The following MBD5 variants were observed in gnomAD, a reference collection of about 807,000 sequenced individuals.
MBD5 encodes the protein methyl-CpG binding domain protein 5.
In MBD5, 13 loss-of-function variants were observed where a neutral mutation model predicts 117.3. The ratio of observed to expected loss-of-function variants is 0.11; its 90% CI spans 0.07 to 0.18. MBD5 has a LOEUF of 0.18. Ranked by LOEUF, MBD5 falls within the 10% of genes least tolerant of loss-of-function variation. The pLI is 1.00. For missense variants in MBD5, 1,879 were observed against 2,093.8 expected (o/e 0.90, Z 2.00); for synonymous variants, 727 against 766.4 (o/e 0.95, Z 0.85).
intron 2 of MBD5, among the ~76,000 whole-genome samples, chr2:148,200,741 A>G (rs1699116873): frequency 6.6e-6 from 1 of 152,062 alleles, no homozygotes; most frequent in South Asian, 2.1e-4. Context: ...ACAGAAAAAA[A>G]AAGACATTAT....
intron 1 of MBD5, among the ~76,000 whole-genome samples, chr2:148,048,230 A>G (rs976692861): frequency 5.3e-5 from 8 of 152,308 alleles, no homozygotes; most frequent in East Asian, 1.9e-4. Flanking sequence ...AAAGTTGTTG[A>G]CACAATGCCT....
chr2:148,223,556 A>C (rs1283877466), intron 2 of MBD5, among the ~76,000 whole-genome samples: 1 of 152,152 alleles, frequency 6.6e-6, no homozygotes. Context: ...ATGGTTTCTC[A>C]TAGGAGTAAT....
At chr2:148,073,480 C>T (rs970647158) in intron 1 of MBD5, among the ~76,000 whole-genome samples, 4 of 152,088 alleles carry the variant, frequency 2.6e-5, no homozygotes, top group Non-Finnish European at 4.4e-5. Context: ...CATTTAAAAG[C>T]TTTGCCTCAG....
At chr2:148,319,511 A>G (rs559273434) in intron 3 of MBD5, among the ~76,000 whole-genome samples, 8 of 152,092 alleles carry the variant, frequency 5.3e-5, no homozygotes, top group Non-Finnish European at 1.2e-4. Context: ...GGTTTTTTGT[A>G]GCTATTGTAA....
At chr2:148,475,269 A>C (rs1680926372) in intron 8 of MBD5, among the ~76,000 whole-genome samples, 2 of 152,142 alleles carry the variant, frequency 1.3e-5, no homozygotes, top group African/African-American at 2.4e-5. Flanking sequence ...GAACTATACT[A>C]AATTCTGGAT....
chr2:148,174,670 T>C (rs535293035), intron 1 of MBD5, among the ~76,000 whole-genome samples: 2 of 151,602 alleles, frequency 1.3e-5, no homozygotes, highest in East Asian at 3.9e-4. Context: ...AAAAAAGGCA[T>C]CCAAAAGTCC....
rs773820936 is a variant in MBD5 at position 148,469,562 on chromosome 2, C to T, written c.1619C>T (p.Ala540Val). The T allele has an allele frequency of 6.2e-7, 1 of 1,613,868 alleles. No homozygotes were observed. The highest frequency in any genetic ancestry group is 1.7e-5 in the Admixed American group (1 of 59,994). ...SNVLNTPSSA[A>V]FPTASAGSSS... ...GTACTAAATACCCCAAGCAGTGCAG[C>T]TTTTCCTACTGCATCTGCCGGAAGT... Residue 540 changes from alanine (A) to valine (V), a missense_variant, in exon 8 of 14, where the codon GCT becomes GTT. This residue lies in a region of MBD5 where 1,666 missense variants were observed against 1,792.2 expected (regional missense o/e 0.93). Coordinates refer to ENST00000642680, the MANE Select transcript of MBD5 (RefSeq NM_001378120.1).
chr2:148,147,648 TGA>T (rs1383853463), intron 1 of MBD5, among the ~76,000 whole-genome samples: 1 of 152,190 alleles, frequency 6.6e-6, no homozygotes, highest in African/African-American at 2.4e-5. Flanking sequence ...ATGTGTTTTT[TGA>T]GTTATTTTTC....
At chr2:148,031,710 T>C (rs954930506) in intron 1 of MBD5, among the ~76,000 whole-genome samples, 3 of 152,126 alleles carry the variant, frequency 2.0e-5, no homozygotes, top group African/African-American at 7.2e-5. Flanking sequence ...CAATTATGAC[T>C]AGAGAGTCCA....
intron 1 of MBD5, among the ~76,000 whole-genome samples, chr2:148,173,202 T>C (rs1698304953): frequency 6.6e-6 from 1 of 152,114 alleles, no homozygotes; most frequent in Non-Finnish European, 1.5e-5. Flanking sequence ...ACCAGGGGGC[T>C]CCTTGAGCCA....
intron 4 of MBD5, among the ~76,000 whole-genome samples, chr2:148,407,339 A>AGT (rs34324249): frequency 0.029 from 4,128 of 140,146 alleles, 56 homozygotes; most frequent in East Asian, 0.039. Flanking sequence ...TGGCTTTCTG[A>AGT]GTGTGTGTGT....
chr2:148,445,581 G>A (rs1706476133), intron 4 of MBD5, among the ~76,000 whole-genome samples: 1 of 151,352 alleles, frequency 6.6e-6, no homozygotes, highest in South Asian at 2.1e-4. Flanking sequence ...ATTGTGAATA[G>A]TGCCTCAATA....
intron 3 of MBD5, among the ~76,000 whole-genome samples, chr2:148,285,267 A>G (rs927588479): frequency 3.9e-5 from 6 of 152,234 alleles, no homozygotes; most frequent in Admixed American, 6.5e-5. Flanking sequence ...AGTCATCTCA[A>G]TAACAGTTAT....
chr2:148,140,204 G>A (rs6430294), intron 1 of MBD5, among the ~76,000 whole-genome samples: 133,767 of 152,134 alleles, frequency 0.88, 58,906 homozygotes, highest in East Asian at 0.91. Flanking sequence ...TTATTTAAGT[G>A]TATATAATGA....
At chr2:148,144,715 C>T (rs1390125239) in intron 1 of MBD5, among the ~76,000 whole-genome samples, 1 of 152,154 alleles carries the variant, frequency 6.6e-6, no homozygotes, top group African/African-American at 2.4e-5. Context: ...ATCCTTTCCC[C>T]ATTTCTTGTT....
intron 1 of MBD5, among the ~76,000 whole-genome samples, chr2:148,078,664 A>AT (rs1695567746): frequency 6.6e-6 from 1 of 152,230 alleles, no homozygotes; most frequent in Non-Finnish European, 1.5e-5. Context: ...AGTAGCTAAA[A>AT]TAGCGTAAGT....
chr2:148,416,236 G>T, intron 4 of MBD5, among the ~76,000 whole-genome samples: 1 of 152,210 alleles, frequency 6.6e-6, no homozygotes, highest in Non-Finnish European at 1.5e-5. Flanking sequence ...CCAAGGCTCA[G>T]CTCAGCACTC....
chr2:148,381,434 G>A lies in MBD5; in HGVS notation c.-557+39098G>A, dbSNP rs1389245172. 2.0e-5 allele frequency among the ~76,000 whole-genome samples: 3 copies of A among 152,070 alleles called. No individual in the cohort carries two copies. The East Asian group carries it at 5.8e-4, about 29-fold the overall frequency. ...AAAAGAATAAAAAGAAATGAACAAA[G>A]CCTCCATGAAATATGGGACAATGTG... On this transcript the variant is annotated intron_variant, in intron 4 of 13. Transcript: ENST00000642680.
intron 1 of MBD5, among the ~76,000 whole-genome samples, chr2:148,097,954 G>A (rs1696110480): frequency 6.6e-6 from 1 of 152,184 alleles, no homozygotes; most frequent in Non-Finnish European, 1.5e-5. Flanking sequence ...GAATGTAGGG[G>A]CACAGCAGGC....
Sources: allele counts gnomAD v4.1 joint callset (sites outside exome capture counted in the v4.1 genomes callset), GRCh38; gene constraint gnomAD v4.1.1; regional missense constraint gnomAD v4.1.1; transcripts MANE v1.5; gene names NCBI Gene and HGNC (gene_info 2026-07-23, HGNC 2026-07-21).